The following DDX19A variants were observed in gnomAD, a reference collection of about 807,000 sequenced individuals.
The protein encoded by DDX19A is ATP-dependent RNA helicase DDX19A.
Under a neutral mutation model 60.6 loss-of-function variants are expected in DDX19A, and 12 were observed. That is an observed-to-expected ratio of 0.20 (90% CI 0.13 to 0.32). The LOEUF (loss-of-function observed/expected upper bound fraction) is 0.32. Ranked by LOEUF, DDX19A falls within the 10% of genes least tolerant of loss-of-function variation. The probability of loss-of-function intolerance (pLI) is 1.00; values close to 1 mark genes in which losing one functional copy is unlikely to be tolerated. For synonymous variants in DDX19A, 206 were observed against 218.2 expected (o/e 0.94, Z 0.49); for missense variants, 337 against 600.6 (o/e 0.56, Z 4.59).
At chr16:70,370,440 T>C (rs931703893) in intron 10 of DDX19A, 55 bp downstream of exon 10, 14 of 1,579,504 alleles carry the variant, frequency 8.9e-6, no homozygotes, top group Admixed American at 1.9e-5. Context: ...CCAGGCCCAA[T>C]TAGAGCCAGA....
chr16:70,360,032 G>A (rs560688206), intron 4 of DDX19A, among the ~76,000 whole-genome samples: 4 of 151,962 alleles, frequency 2.6e-5, no homozygotes, highest in Non-Finnish European at 5.9e-5. Flanking sequence ...TGTAATCCTA[G>A]CACTTTGGGA....
At position 70,371,563 on chromosome 16, in the gene DDX19A, A is replaced by G; in HGVS notation, c.1375A>G (p.Asn459Asp). 6.9e-7 allele frequency: 1 copy of G among 1,449,618 alleles called. No homozygotes were observed. Among genetic ancestry groups the G allele is most frequent in the South Asian group, 1.4e-5 (1 of 73,774 alleles). 89.8% of individuals were successfully genotyped at this position (1,449,618 alleles called of 1,614,324 possible). Residue 459 changes from asparagine (N) to aspartate (D), a missense_variant and splice_region_variant, in exon 11 of 12, where the codon AAT (asparagine) becomes GAT (aspartate). By Grantham distance (23) the Asn-to-Asp change is conservative. Coordinates refer to ENST00000302243, the MANE Select transcript of DDX19A (RefSeq NM_018332.5). ...CCTGAACAGAATCCAGGAGCATTTT[A>G]GTGAGTCCCGGGGAGGGTCCTGTGC... ...NILNRIQEHF[N>D]KKIERLDTDD... is the part of the protein sequence containing the mutation.
Position 70,355,682 on chromosome 16 carries a change from C to G in DDX19A, c.157+147C>G. 4 of 687,004 alleles carry G rather than the reference C, an allele frequency of 5.8e-6. No homozygotes were observed. In the Admixed American group the frequency reaches 1.0e-4, roughly 18 times the overall value. The allele number at this position is 687,004 out of a possible 1,614,324, so 42.6% of individuals were successfully genotyped here. On this transcript the variant is annotated intron_variant, in intron 3 of 11. Transcript: ENST00000302243. The stretch of plus-strand genomic sequence containing the variant: ...GTGAGAGGAGGAGAACAAAACAAGT[C>G]CGAAAGCGGTAGCTCACACCTGTAA...
intron 4 of DDX19A, 149 bp downstream of exon 4, chr16:70,356,396 G>A (rs1964185722): frequency 6.3e-6 from 8 of 1,277,392 alleles, no homozygotes; most frequent in African/African-American, 1.5e-5. Flanking sequence ...CGCTCCTGTT[G>A]CCCAGCCTGG....
intron 2 of DDX19A, among the ~76,000 whole-genome samples, chr16:70,352,682 G>A (rs1369227520): frequency 6.8e-6 from 1 of 146,732 alleles, no homozygotes; most frequent in Non-Finnish European, 1.5e-5. Context: ...CGTTGCCCAG[G>A]CTGGAGTGCA....
intron 7 of DDX19A, 178 bp downstream of exon 7, chr16:70,365,309 T>G (rs990569906): frequency 2.3e-6 from 1 of 438,338 alleles, no homozygotes; most frequent in Admixed American, 3.9e-5. Flanking sequence ...TTTTTCAGTC[T>G]TAAAATAAGA....
rs776670609 is a variant in DDX19A, at chr16:70,361,493, C to G, written c.369C>G (p.Pro123=). ...CCAAGATACAAGAGAACGCATTACC[C>G]ATGATGCTTGCTGAACCGTGAGTAT... ...RPSKIQENAL[P]MMLAEPPQNL... Residue 123 remains proline, a synonymous_variant, in exon 5 of 12, where the codon CCC becomes CCG. Transcript: ENST00000302243. 3 of 1,612,150 alleles carry G rather than the reference C, an allele frequency of 1.9e-6. No homozygotes were observed. The highest frequency in any genetic ancestry group is 2.5e-6 in the Non-Finnish European group (3 of 1,178,530).
intron 1 of DDX19A, among the ~76,000 whole-genome samples, chr16:70,349,280 A>G (rs1178567119): frequency 2.0e-5 from 3 of 152,186 alleles, no homozygotes; most frequent in Non-Finnish European, 4.4e-5. Flanking sequence ...GTGTCAGGGA[A>G]GCTTGTTAGA....
chr16:70,364,606 C>T lies in DDX19A; in HGVS notation c.450C>T (p.Ala150=), dbSNP rs1204507227. 8 of 1,614,078 alleles carry T rather than the reference C, an allele frequency of 5.0e-6. No individual in the cohort carries two copies. Among genetic ancestry groups the T allele is most frequent in the Non-Finnish European group, 5.9e-6 (7 of 1,180,034 alleles). The part of the protein sequence containing the change: ...GTGKTAAFVL[A]MLSRVEPSDR... Reference sequence around the variant, plus strand: ...GTAAAACAGCTGCCTTTGTCTTAGCCATGCTCAGCCGAGTGGAGCCATCAG... The same window carrying T: ...GTAAAACAGCTGCCTTTGTCTTAGCTATGCTCAGCCGAGTGGAGCCATCAG... Residue 150 remains alanine (A), a synonymous_variant, in exon 6 of 12, where the codon GCC becomes GCT. Coordinates refer to ENST00000302243, the MANE Select transcript of DDX19A (RefSeq NM_018332.5).
Position 70,370,823 on chromosome 16 carries a change from C to G in DDX19A, c.1183+438C>G, listed in dbSNP as rs535237851. ...CCAGCCTGACCAATATGGTGAAACCCCATCTCTACTAAAAATACAAAAATT... is the reference window on the plus strand; with the variant it reads ...CCAGCCTGACCAATATGGTGAAACCGCATCTCTACTAAAAATACAAAAATT... On this transcript the variant is annotated intron_variant, in intron 10 of 11. Coordinates refer to ENST00000302243, the MANE Select transcript of DDX19A (RefSeq NM_018332.5). 5 of 188,814 alleles carry G rather than the reference C, an allele frequency of 2.6e-5. No individual in the cohort carries two copies. The South Asian group carries it at 5.0e-4, about 19-fold the overall frequency. The allele number at this position is 188,814 out of a possible 1,614,324, so 11.7% of individuals were successfully genotyped here.
intron 5 of DDX19A, chr16:70,363,520 A>T (rs1964429330): frequency 6.6e-6 from 1 of 151,794 alleles, no homozygotes; most frequent in South Asian, 2.1e-4. Context: ...TATTTTTAGT[A>T]GAGATGGGGT....
chr16:70,351,068 G>A (rs1963999063), intron 2 of DDX19A, among the ~76,000 whole-genome samples: 1 of 149,436 alleles, frequency 6.7e-6, no homozygotes. Context: ...ATTTTTAGTA[G>A]AGATAGGGTT....
In DDX19A at chr16:70,350,805, A is replaced by G. The variant is rs573986272; in HGVS notation, c.106+200A>G. Among the ~76,000 whole-genome samples the G allele has an allele frequency of 5.9e-5, 9 of 152,092 alleles. No homozygotes were observed. In the South Asian group the frequency reaches 1.0e-3, roughly 18 times the overall value. On this transcript the variant is annotated intron_variant, in intron 2 of 11. Coordinates refer to ENST00000302243, the MANE Select transcript of DDX19A (RefSeq NM_018332.5). ...ACTTCTTAAAATTAAGAGTCTCTCT[A>G]TTGGATTGTACTGCTACTGTTCATT...
chr16:70,350,167 C>G (rs950552720), intron 1 of DDX19A, among the ~76,000 whole-genome samples: 1 of 152,076 alleles, frequency 6.6e-6, no homozygotes, highest in Non-Finnish European at 1.5e-5. Context: ...GTGGGAGGAT[C>G]GCTAGAACCC....
At chr16:70,354,978 G>T (rs1964137156) in intron 2 of DDX19A, among the ~76,000 whole-genome samples, 1 of 151,606 alleles carries the variant, frequency 6.6e-6, no homozygotes, top group Non-Finnish European at 1.5e-5. Context: ...CCTTAGCCTG[G>T]GCAACAGAGG....
chr16:70,373,284 TAA>T lies in DDX19A; in HGVS notation c.*1299_*1300del, dbSNP rs1185571820. ...GTAGCGTATGCACCATTCATTATGC[TAA>T]GACATTTTAAAGTAATTATGAGAAA... On this transcript the variant is annotated 3_prime_UTR_variant, in exon 12 of 12. Coordinates refer to ENST00000302243, the MANE Select transcript of DDX19A (RefSeq NM_018332.5). 6 of 152,154 alleles carry T rather than the reference TAA, an allele frequency of 3.9e-5. No individual in the cohort carries two copies. Among genetic ancestry groups the T allele is most frequent in the Non-Finnish European group, 7.3e-5 (5 of 68,028 alleles). The allele number at this position is 152,154 out of a possible 1,614,324, so 9.4% of individuals were successfully genotyped here.
At position 70,372,228 on chromosome 16, in the gene DDX19A, C is replaced by T; in HGVS notation, c.*242C>T. On this transcript the variant is annotated 3_prime_UTR_variant, in exon 12 of 12. Transcript: ENST00000302243. ...TTCCCCACTTTTTTAAAGCCACATT[C>T]CCCCATCTTTATAATAATCTGGTCA... The T allele has an allele frequency of 1.6e-6, 1 of 607,360 alleles. No homozygotes were observed. Among genetic ancestry groups the T allele is most frequent in the Non-Finnish European group, 2.9e-6 (1 of 345,938 alleles). 37.6% of individuals were successfully genotyped at this position (607,360 alleles called of 1,614,324 possible). A position where few individuals can be genotyped will look rare whatever the true frequency, so the allele number is the denominator to read the frequency against.
chr16:70,362,146 G>T lies in DDX19A; in HGVS notation c.386+636G>T, dbSNP rs910685088. 2.0e-5 allele frequency among the ~76,000 whole-genome samples: 3 copies of T among 149,656 alleles called. No homozygotes were observed. In the Admixed American group the frequency reaches 2.0e-4, roughly 10 times the overall value. ...GCCGAGATGGTGCCACTGTACTCTAGCCTGGTGACAGCAAGACCCTGTCTC... is the reference window on the plus strand; with the variant it reads ...GCCGAGATGGTGCCACTGTACTCTATCCTGGTGACAGCAAGACCCTGTCTC... On this transcript the variant is annotated intron_variant, in intron 5 of 11. Transcript: ENST00000302243.
intron 7 of DDX19A, chr16:70,365,873 T>G (rs2151642041): frequency 1.6e-6 from 1 of 640,350 alleles, no homozygotes; most frequent in Non-Finnish European, 2.7e-6. Flanking sequence ...AGGATTGCTG[T>G]GTGGGATTTG....
Sources: allele counts gnomAD v4.1 joint callset (sites outside exome capture counted in the v4.1 genomes callset), GRCh38; gene constraint gnomAD v4.1.1; transcripts MANE v1.5; gene names NCBI Gene and HGNC (gene_info 2026-07-23, HGNC 2026-07-21).